Variants in CDH11 observed in about 807,000 individuals in gnomAD.
CDH11 encodes the protein cadherin-11.
In CDH11, 11 loss-of-function variants were observed where a neutral mutation model predicts 67.8. That is an observed-to-expected ratio of 0.16 (90% CI 0.10 to 0.27). The LOEUF (loss-of-function observed/expected upper bound fraction) is 0.27, where lower values mean the gene tolerates loss of function less well. Among genes scored for constraint, CDH11 ranks in the 10% least tolerant of loss-of-function variants. The pLI, the probability that CDH11 is intolerant of heterozygous loss-of-function variation, is 1.00. For missense variants in CDH11, 847 were observed against 1,031.2 expected, an observed-to-expected ratio of 0.82 and a Z score of 2.45; for synonymous variants, 419 against 400.0, an observed-to-expected ratio of 1.05 and a Z score of -0.57.
At chr16:65,122,852 G>C (rs2075357714), upstream of CDH11, among the ~76,000 whole-genome samples, 2 of 152,178 alleles carry the variant, frequency 1.3e-5, no homozygotes, top group East Asian at 3.9e-4. Flanking sequence ...CTTTTGGGAG[G>C]GTGCCTTGGC....
At chr16:64,981,779 G>C (rs1194115055) in intron 8 of CDH11, 1 of 340,886 alleles carries the variant, frequency 2.9e-6, no homozygotes, top group Non-Finnish European at 5.3e-6. Context: ...GAGGCAGACA[G>C]GCCCAGCTCA....
chr16:65,111,320 G>A (rs1434517639), intron 1 of CDH11, among the ~76,000 whole-genome samples: 1 of 152,144 alleles, frequency 6.6e-6, no homozygotes, highest in Non-Finnish European at 1.5e-5. Flanking sequence ...CCAGTGCGAT[G>A]GGGAAATTGA....
chr16:65,104,554 C>CA (rs1267325571), intron 1 of CDH11, among the ~76,000 whole-genome samples: 2 of 152,084 alleles, frequency 1.3e-5, no homozygotes, highest in Non-Finnish European at 2.9e-5. Flanking sequence ...AGCAAAAAAA[C>CA]AAAAAACAGA....
chr16:64,984,565 T>A (rs1313325042), intron 7 of CDH11: 1 of 152,176 alleles, frequency 6.6e-6, no homozygotes, highest in Admixed American at 6.5e-5. Flanking sequence ...TAATCCCACC[T>A]CTGAAAATCT....
intron 8 of CDH11, chr16:64,981,442 A>C (rs1295408573): frequency 6.6e-6 from 1 of 152,104 alleles, no homozygotes; most frequent in South Asian, 2.1e-4. Context: ...TCACAAAAAA[A>C]GGTATTCATA....
chr16:65,052,906 G>A (rs2074081722), intron 2 of CDH11, among the ~76,000 whole-genome samples: 1 of 152,174 alleles, frequency 6.6e-6, no homozygotes, highest in African/African-American at 2.4e-5. Context: ...GGAATTAACT[G>A]CTATTGGAGG....
chr16:65,096,409 GTGTGT>G (rs1567575829), intron 1 of CDH11, among the ~76,000 whole-genome samples: 12 of 74,172 alleles, frequency 1.6e-4, no homozygotes, highest in South Asian at 3.2e-4. Context: ...CTTTCGGGGT[GTGTGT>G]GTGTGTGTGT....
chr16:65,118,222 A>C (rs2142898867), intron 1 of CDH11, among the ~76,000 whole-genome samples: 1 of 152,262 alleles, frequency 6.6e-6, no homozygotes, highest in Middle Eastern at 3.4e-3. Context: ...GAGTTGTACA[A>C]GGCTCTCAAT....
chr16:65,025,304 C>G (rs939143077), intron 2 of CDH11, among the ~76,000 whole-genome samples: 1 of 152,188 alleles, frequency 6.6e-6, no homozygotes, highest in Non-Finnish European at 1.5e-5. Flanking sequence ...CAAATGCTAA[C>G]AGCAGTGGCA....
intron 4 of CDH11, among the ~76,000 whole-genome samples, chr16:64,994,666 C>G (rs1283141716): frequency 6.6e-6 from 1 of 152,210 alleles, no homozygotes; most frequent in East Asian, 1.9e-4. Context: ...AGGATGCCCA[C>G]TCTCACCAGT....
chr16:64,966,691 ATGT>A (rs2071837869), intron 11 of CDH11, among the ~76,000 whole-genome samples: 1 of 85,922 alleles, frequency 1.2e-5, no homozygotes, highest in African/African-American at 2.9e-5. Flanking sequence ...AGATAAGTTA[ATGT>A]TGATATCAAT....
At chr16:65,094,351 T>C (rs2142838109) in intron 1 of CDH11, among the ~76,000 whole-genome samples, 1 of 152,290 alleles carries the variant, frequency 6.6e-6, no homozygotes, top group African/African-American at 2.4e-5. Context: ...ATACTTGATG[T>C]CAGTAGAATT....
chr16:65,076,854 G>T (rs1216504757), intron 1 of CDH11, among the ~76,000 whole-genome samples: 1 of 152,106 alleles, frequency 6.6e-6, no homozygotes, highest in African/African-American at 2.4e-5. Context: ...CAAGAGACAA[G>T]AACTCATCCT....
intron 1 of CDH11, among the ~76,000 whole-genome samples, chr16:65,096,074 G>A (rs565407881): frequency 6.6e-6 from 1 of 152,294 alleles, no homozygotes; most frequent in East Asian, 1.9e-4. Context: ...CATAAATGCA[G>A]AAGTATGTGT....
chr16:64,995,500 C>G (rs1026359455), intron 4 of CDH11, among the ~76,000 whole-genome samples: 4 of 152,156 alleles, frequency 2.6e-5, no homozygotes, highest in Non-Finnish European at 4.4e-5. Context: ...GGAAAGTACT[C>G]CTTAATCAAT....
chr16:64,981,426 T>C (rs1403119418), intron 8 of CDH11: 1 of 151,974 alleles, frequency 6.6e-6, no homozygotes. Flanking sequence ...GATCACATTT[T>C]TTTTGTCACA....
At position 65,075,825 on chromosome 16, in the gene CDH11, T is replaced by C. The variant is rs117345669; in HGVS notation, c.-297-21897A>G. On this transcript the variant is annotated intron_variant, in intron 1 of 12. Transcript: ENST00000268603. ...CCTCAGGGAAGTAGTTAAACCTCTC[T>C]TACCAAGTTATCTCATCCATAACAT... 1.1e-3 allele frequency among the ~76,000 whole-genome samples: 169 copies of C among 152,328 alleles called. 6 individuals carry two copies. In the East Asian group the frequency reaches 0.027, roughly 24 times the overall value.
chr16:64,975,333 A>G (rs1328230597), intron 8 of CDH11, among the ~76,000 whole-genome samples: 1 of 152,174 alleles, frequency 6.6e-6, no homozygotes, highest in African/African-American at 2.4e-5. Flanking sequence ...GAAGGCTTTG[A>G]GCAGAGGAGC....
At chr16:65,024,097 A>G (rs929232011) in intron 2 of CDH11, among the ~76,000 whole-genome samples, 4 of 152,212 alleles carry the variant, frequency 2.6e-5, no homozygotes, top group African/African-American at 9.6e-5. Context: ...TCTCTCAGGT[A>G]GAAGTGAATA....
Sources: allele counts gnomAD v4.1 joint callset (sites outside exome capture counted in the v4.1 genomes callset), GRCh38; gene constraint gnomAD v4.1.1; transcripts MANE v1.5; gene names NCBI Gene and HGNC (gene_info 2026-07-23, HGNC 2026-07-21).